TMEM200A: variants seen among roughly 807,000 people sequenced by gnomAD.
TMEM200A encodes the protein transmembrane protein 200A, also known as two transmembrane C.
A neutral mutation model predicts 24.3 loss-of-function variants in TMEM200A; 12 were observed. That is an observed-to-expected ratio of 0.49 (90% CI 0.32 to 0.80). The LOEUF is 0.80. TMEM200A is among the 30% of genes least tolerant of loss of function. The pLI, the probability that TMEM200A is intolerant of heterozygous loss-of-function variation, is 0.04. For missense variants in TMEM200A, 545 were observed against 614.4 expected, an observed-to-expected ratio of 0.89 and a Z score of 1.19; for synonymous variants, 224 against 224.4, an observed-to-expected ratio of 1.00 and a Z score of 0.02.
intron 1 of TMEM200A, among the ~76,000 whole-genome samples, chr6:130,369,178 C>T (rs1175014618): frequency 6.6e-6 from 1 of 152,180 alleles, no homozygotes; most frequent in African/African-American, 2.4e-5. Flanking sequence ...AAAATACCAG[C>T]TTTCACTTAG....
At chr6:130,432,105 T>TTTGATATAA (rs112977544) in intron 2 of TMEM200A, among the ~76,000 whole-genome samples, 4,138 of 152,232 alleles carry the variant, frequency 0.027, 65 homozygotes, top group African/African-American at 0.042. Context: ...TTTTGCAGAT[T>TTTGATATAA]TTCACATTAT....
intron 2 of TMEM200A, among the ~76,000 whole-genome samples, chr6:130,419,004 G>T (rs191435631): frequency 5.9e-5 from 9 of 152,110 alleles, no homozygotes; most frequent in Admixed American, 4.6e-4. Flanking sequence ...TTGAACATGA[G>T]AACTTATTTC....
chr6:130,435,768 T>C (rs991236295), intron 2 of TMEM200A, among the ~76,000 whole-genome samples: 2 of 152,204 alleles, frequency 1.3e-5, no homozygotes, highest in Admixed American at 1.3e-4. Context: ...TGTAGTAAAA[T>C]CCTTCACTTG....
intron 2 of TMEM200A, among the ~76,000 whole-genome samples, chr6:130,385,477 C>A (rs1778690834): frequency 6.6e-6 from 1 of 152,174 alleles, no homozygotes; most frequent in South Asian, 2.1e-4. Flanking sequence ...GGTCTCTGCT[C>A]TGGTGAAACA....
intron 2 of TMEM200A, among the ~76,000 whole-genome samples, chr6:130,392,031 C>A (rs1236259095): frequency 6.6e-6 from 1 of 152,146 alleles, no homozygotes; most frequent in African/African-American, 2.4e-5. Context: ...GCGTGAGCCA[C>A]CACACACGGC....
rs748699636 is a variant in TMEM200A, at chr6:130,383,132, A to G, written c.-80-2041A>G. The G allele has an allele frequency of 2.9e-5, 25 of 872,520 alleles. No individual in the cohort carries two copies. The Admixed American group carries it at 3.7e-4, about 13-fold the overall frequency. 54.0% of individuals were successfully genotyped at this position (872,520 alleles called of 1,614,324 possible). A position where few individuals can be genotyped will look rare whatever the true frequency, so the allele number is the denominator to read the frequency against. ...TTCAATTGAATTAGGACGGCACTCC[A>G]TGGGATTCATTAGTTGTCCGTAGCA... On this transcript the variant is annotated intron_variant, in intron 1 of 2. Coordinates refer to ENST00000296978, the MANE Select transcript of TMEM200A (RefSeq NM_001258277.2).
chr6:130,419,213 C>A (rs1402780614), intron 2 of TMEM200A, among the ~76,000 whole-genome samples: 1 of 152,252 alleles, frequency 6.6e-6, no homozygotes, highest in South Asian at 2.1e-4. Context: ...ACATAATGAC[C>A]TCCAGTCCCA....
intron 2 of TMEM200A, among the ~76,000 whole-genome samples, chr6:130,420,291 A>G (rs1343944450): frequency 6.6e-6 from 1 of 152,158 alleles, no homozygotes; most frequent in Non-Finnish European, 1.5e-5. Context: ...ACCCCTAAAT[A>G]TCAGTATTTA....
intron 2 of TMEM200A, among the ~76,000 whole-genome samples, chr6:130,435,260 A>T (rs1342151325): frequency 6.6e-6 from 1 of 152,154 alleles, no homozygotes; most frequent in Non-Finnish European, 1.5e-5. Flanking sequence ...TGCTAGGATT[A>T]CAGATGTGAG....
Position 130,441,459 on chromosome 6 carries a change from C to T in TMEM200A, c.1037C>T (p.Pro346Leu). 2 of 1,614,038 alleles carry T rather than the reference C, an allele frequency of 1.2e-6. No individual in the cohort carries two copies. The highest frequency in any genetic ancestry group is 1.7e-6 in the Non-Finnish European group (2 of 1,179,988). Residue 346 changes from proline (P) to leucine (L), a missense_variant, in exon 3 of 3, where the codon CCA becomes CTA. By Grantham distance (98) the Pro-to-Leu change is moderately conservative (BLOSUM62 -3). Transcript: ENST00000296978. ...ESFQPVSTVL[P>L]RNNSIGESLS... ...TTCCAGCCCGTCAGCACAGTGCTAC[C>T]AAGGAATAATTCCATTGGGGAGTCG...
At chr6:130,365,601 G>C (rs1330903715), upstream of TMEM200A, 2 of 985,342 alleles carry the variant, frequency 2.0e-6, no homozygotes, top group Non-Finnish European at 2.4e-6. Context: ...CGGAGAACTG[G>C]GGGAGCCGGG....
intron 2 of TMEM200A, among the ~76,000 whole-genome samples, chr6:130,435,484 G>A (rs1459294135): frequency 1.3e-5 from 2 of 152,258 alleles, no homozygotes; most frequent in South Asian, 2.1e-4. Context: ...AATGCCAGGT[G>A]TCCATTTTTA....
intron 1 of TMEM200A, among the ~76,000 whole-genome samples, chr6:130,369,669 T>G (rs1379026338): frequency 6.6e-6 from 1 of 152,128 alleles, no homozygotes; most frequent in Non-Finnish European, 1.5e-5. Flanking sequence ...AAAAAGGAAA[T>G]CCATGCATTT....
At chr6:130,425,605 C>G (rs1166972452) in intron 2 of TMEM200A, among the ~76,000 whole-genome samples, 2 of 152,158 alleles carry the variant, frequency 1.3e-5, no homozygotes, top group Non-Finnish European at 2.9e-5. Flanking sequence ...ATTTTGAAGA[C>G]ACAGCCAGTT....
intron 2 of TMEM200A, among the ~76,000 whole-genome samples, chr6:130,436,103 T>C (rs957185490): frequency 1.3e-5 from 2 of 152,122 alleles, no homozygotes; most frequent in Admixed American, 1.3e-4. Flanking sequence ...AAACCTCAAA[T>C]GAAAGCAAAT....
chr6:130,391,798 A>C (rs748967567), intron 2 of TMEM200A, among the ~76,000 whole-genome samples: 23 of 128,414 alleles, frequency 1.8e-4, no homozygotes, highest in Admixed American at 1.0e-3. Context: ...GCTAGAGTGC[A>C]GTGGCACGAT....
chr6:130,366,564 G>A lies in TMEM200A; in HGVS notation c.-81+40G>A. The A allele has an allele frequency of 1.0e-6, 1 of 985,652 alleles. No homozygotes were observed. Among genetic ancestry groups the A allele is most frequent in the Non-Finnish European group, 1.2e-6 (1 of 830,128 alleles). 61.1% of individuals were successfully genotyped at this position (985,652 alleles called of 1,614,324 possible). A position where few individuals can be genotyped will look rare whatever the true frequency, so the allele number is the denominator to read the frequency against. On this transcript the variant is annotated intron_variant, in intron 1 of 2. Coordinates refer to ENST00000296978, the MANE Select transcript of TMEM200A (RefSeq NM_001258277.2). The surrounding 1 kb of genome is among the most constrained non-coding windows in gnomAD (Gnocchi z 4.4). ...AGGGTGCTGACGGGAGTGGGGAGGTGGGTGGGCGGCCACCGCAGCCGAAAC... is the reference window on the plus strand; with the variant it reads ...AGGGTGCTGACGGGAGTGGGGAGGTAGGTGGGCGGCCACCGCAGCCGAAAC...
At chr6:130,431,791 C>T (rs970279524) in intron 2 of TMEM200A, among the ~76,000 whole-genome samples, 1 of 152,084 alleles carries the variant, frequency 6.6e-6, no homozygotes, top group Non-Finnish European at 1.5e-5. Flanking sequence ...GTTTGTCAGG[C>T]TGGCAGGTTT....
chr6:130,427,724 C>T (rs552133798), intron 2 of TMEM200A, among the ~76,000 whole-genome samples: 117 of 144,778 alleles, frequency 8.1e-4, no homozygotes, highest in African/African-American at 2.7e-3. Context: ...ATCTTTTTGT[C>T]TTTTTTTTTT....
Sources: allele counts gnomAD v4.1 joint callset (sites outside exome capture counted in the v4.1 genomes callset), GRCh38; gene constraint gnomAD v4.1.1; non-coding constraint Gnocchi (gnomAD v3.1); transcripts MANE v1.5; gene names NCBI Gene and HGNC (gene_info 2026-07-23, HGNC 2026-07-21).